Variants in DPP6 observed in about 807,000 individuals in gnomAD.
DPP6 encodes dipeptidyl peptidase like 6.
In DPP6, 69 loss-of-function variants were observed where a neutral mutation model predicts 122.6. The ratio of observed to expected loss-of-function variants is 0.56; its 90% CI spans 0.46 to 0.69. DPP6 has a LOEUF of 0.69. DPP6 is among the 30% of genes least tolerant of loss of function. The pLI, the probability that DPP6 is intolerant of heterozygous loss-of-function variation, is 0.00. For missense variants in DPP6, 928 were observed against 1,116.9 expected (o/e 0.83, Z 2.41); for synonymous variants, 418 against 433.1 (o/e 0.97, Z 0.43).
At chr7:154,784,876 T>C (rs1016143187) in intron 10 of DPP6, among the ~76,000 whole-genome samples, 5 of 152,230 alleles carry the variant, frequency 3.3e-5, no homozygotes, top group African/African-American at 9.6e-5. Context: ...GGGTGGGCAT[T>C]ATTAATTAAA....
the DPP6 span, among the ~76,000 whole-genome samples, chr7:153,875,362 T>C: frequency 4.6e-5 from 7 of 152,132 alleles, no homozygotes; most frequent in African/African-American, 1.4e-4. Flanking sequence ...CTGAGAGAAC[T>C]CTTCATGCAA....
the DPP6 span, among the ~76,000 whole-genome samples, chr7:153,860,664 AAG>A: frequency 1.2e-4 from 16 of 137,116 alleles, 1 homozygote; most frequent in Admixed American, 1.1e-3. Flanking sequence ...AAAAAAAAAA[AAG>A]GGGCCCTGTA....
At chr7:153,938,032 G>T (rs1411330193) in intron 1 of DPP6, among the ~76,000 whole-genome samples, 1 of 152,214 alleles carries the variant, frequency 6.6e-6, no homozygotes, top group African/African-American at 2.4e-5. Flanking sequence ...GAACCTCTGA[G>T]ACAGGGGCAA....
intron 3 of DPP6, among the ~76,000 whole-genome samples, chr7:154,507,020 C>A (rs1825718071): frequency 6.6e-6 from 1 of 152,134 alleles, no homozygotes; most frequent in Non-Finnish European, 1.5e-5. Flanking sequence ...TTTGCCAAAG[C>A]CTCCAGCAGA....
At chr7:154,586,825 C>T (rs1832485598) in intron 5 of DPP6, among the ~76,000 whole-genome samples, 1 of 152,168 alleles carries the variant, frequency 6.6e-6, no homozygotes, top group Non-Finnish European at 1.5e-5. Context: ...GAGTGAGCAC[C>T]TCCCCAGATA....
At chr7:153,748,178 C>A in the DPP6 span, among the ~76,000 whole-genome samples, 1 of 152,176 alleles carries the variant, frequency 6.6e-6, no homozygotes, top group South Asian at 2.1e-4. Flanking sequence ...CCTGTGCTAA[C>A]GAGCCCGGGT....
At chr7:154,223,681 A>G (rs924040957) in intron 1 of DPP6, among the ~76,000 whole-genome samples, 3 of 149,400 alleles carry the variant, frequency 2.0e-5, no homozygotes, top group Non-Finnish European at 2.9e-5. Context: ...GATGAGAGGA[A>G]GGAAGAGGTG....
chr7:154,413,590 G>A (rs375373694), intron 1 of DPP6, among the ~76,000 whole-genome samples: 17 of 152,166 alleles, frequency 1.1e-4, no homozygotes, highest in South Asian at 2.1e-4. Flanking sequence ...CATTTATTTC[G>A]TATTGAACAC....
chr7:154,817,881 C>T (rs571193669), intron 16 of DPP6, among the ~76,000 whole-genome samples: 3 of 151,058 alleles, frequency 2.0e-5, no homozygotes, highest in African/African-American at 7.3e-5. Context: ...TCATGAATGT[C>T]CTGATTGATT....
At chr7:154,816,448 A>G (rs530146652) in intron 16 of DPP6, among the ~76,000 whole-genome samples, 100 of 152,300 alleles carry the variant, frequency 6.6e-4, no homozygotes, top group African/African-American at 2.3e-3. Flanking sequence ...CAATACTATC[A>G]TTGGTTTCAG....
chr7:154,008,856 G>A (rs1563096459), intron 1 of DPP6, among the ~76,000 whole-genome samples: 1 of 151,250 alleles, frequency 6.6e-6, no homozygotes, highest in Non-Finnish European at 1.5e-5. Context: ...TAGTAGAGAC[G>A]GGGTTTCACC....
At chr7:153,966,718 T>C (rs1795758401) in intron 1 of DPP6, among the ~76,000 whole-genome samples, 2 of 151,924 alleles carry the variant, frequency 1.3e-5, no homozygotes, top group Non-Finnish European at 2.9e-5. Context: ...AAAAACAAAA[T>C]ACTATGAGTA....
chr7:154,656,639 G>T (rs1837270559), intron 6 of DPP6, among the ~76,000 whole-genome samples: 1 of 152,184 alleles, frequency 6.6e-6, no homozygotes, highest in African/African-American at 2.4e-5. Flanking sequence ...CTCAGATTTG[G>T]ACCACTCACT....
At chr7:154,127,666 C>T (rs1185267200) in intron 1 of DPP6, among the ~76,000 whole-genome samples, 1 of 141,938 alleles carries the variant, frequency 7.0e-6, no homozygotes, top group South Asian at 2.3e-4. Context: ...CACACACACA[C>T]ACACACACAC....
chr7:154,494,993 G>A (rs1824605329), intron 3 of DPP6, among the ~76,000 whole-genome samples: 1 of 152,198 alleles, frequency 6.6e-6, no homozygotes. Flanking sequence ...AGCTTAGAGA[G>A]AGTCTCGTGG....
the DPP6 span, among the ~76,000 whole-genome samples, chr7:153,879,428 C>T: frequency 1.3e-5 from 2 of 152,036 alleles, no homozygotes; most frequent in African/African-American, 2.4e-5. Flanking sequence ...CTCGCTGTGC[C>T]ACCCAGGCTG....
chr7:154,527,980 A>G (rs1469647758), intron 3 of DPP6, among the ~76,000 whole-genome samples: 2 of 151,460 alleles, frequency 1.3e-5, no homozygotes, highest in African/African-American at 2.4e-5. Flanking sequence ...TGTTATTGTT[A>G]TATCAGTTTG....
intron 1 of DPP6, among the ~76,000 whole-genome samples, chr7:154,414,274 A>G (rs113048455): frequency 0.028 from 4,261 of 152,318 alleles, 189 homozygotes; most frequent in African/African-American, 0.098. Flanking sequence ...TAGCACAAAG[A>G]TCTTTTCAGC....
At chr7:154,686,603 A>T (rs1839621134) in intron 7 of DPP6, among the ~76,000 whole-genome samples, 1 of 152,192 alleles carries the variant, frequency 6.6e-6, no homozygotes, top group African/African-American at 2.4e-5. Flanking sequence ...CAGGGCAGAC[A>T]CTGAACCCCA....
Sources: allele counts gnomAD v4.1 joint callset (sites outside exome capture counted in the v4.1 genomes callset), GRCh38; gene constraint gnomAD v4.1.1; transcripts MANE v1.5; gene names NCBI Gene and HGNC (gene_info 2026-07-23, HGNC 2026-07-21).